ZBTB20: variants seen among roughly 807,000 people sequenced by gnomAD.
The protein encoded by ZBTB20 is zinc finger and BTB domain-containing protein 20.
Under a neutral mutation model 56.9 loss-of-function variants are expected in ZBTB20, and 9 were observed. The observed-to-expected ratio is 0.16, with a 90% CI of 0.10 to 0.28. ZBTB20 has a LOEUF of 0.28. Among genes scored for constraint, ZBTB20 ranks in the 10% least tolerant of loss-of-function variants. The probability of loss-of-function intolerance (pLI) is 1.00; values close to 1 mark genes in which losing one functional copy is unlikely to be tolerated. For synonymous variants in ZBTB20, 417 were observed against 420.7 expected (o/e 0.99, Z 0.11); for missense variants, 655 against 1,003.0 (o/e 0.65, Z 4.69).
intron 2 of ZBTB20, among the ~76,000 whole-genome samples, chr3:115,054,262 C>T (rs528374814): frequency 6.6e-6 from 1 of 152,240 alleles, no homozygotes; most frequent in African/African-American, 2.4e-5. Context: ...TTTCAACTTT[C>T]AACATAGGTT....
intron 6 of ZBTB20, among the ~76,000 whole-genome samples, chr3:114,554,871 C>T (rs143830897): frequency 3.9e-5 from 6 of 152,152 alleles, no homozygotes; most frequent in African/African-American, 9.6e-5. Flanking sequence ...AATCACTGCA[C>T]GTGTAAATTA....
chr3:114,972,038 A>AT (rs2077904253), intron 3 of ZBTB20, among the ~76,000 whole-genome samples: 1 of 152,238 alleles, frequency 6.6e-6, no homozygotes, highest in Non-Finnish European at 1.5e-5. Context: ...TGGGATTGGC[A>AT]TACACTGTGG....
At chr3:114,404,378 G>A (rs536133806) in intron 7 of ZBTB20, among the ~76,000 whole-genome samples, 1 of 152,060 alleles carries the variant, frequency 6.6e-6, no homozygotes, top group South Asian at 2.1e-4. Flanking sequence ...GAAGTCCCTG[G>A]TAAGCATAAA....
At chr3:114,888,264 A>AG (rs1420315913) in intron 4 of ZBTB20, among the ~76,000 whole-genome samples, 1 of 151,930 alleles carries the variant, frequency 6.6e-6, no homozygotes, top group East Asian at 1.9e-4. Flanking sequence ...ACAAAAAAAA[A>AG]ATTTAAACAT....
chr3:114,495,348 G>C (rs1351426798), intron 7 of ZBTB20, among the ~76,000 whole-genome samples: 2 of 152,140 alleles, frequency 1.3e-5, no homozygotes, highest in African/African-American at 4.8e-5. Flanking sequence ...AAATGGCTTA[G>C]TAGCTGGATG....
At chr3:114,716,564 C>T (rs1167262593) in intron 5 of ZBTB20, among the ~76,000 whole-genome samples, 1 of 152,082 alleles carries the variant, frequency 6.6e-6, no homozygotes, top group Non-Finnish European at 1.5e-5. Flanking sequence ...TCCCACTTCC[C>T]CTTTGCCATA....
At chr3:115,146,809 T>C (rs1395712476) in intron 1 of ZBTB20, among the ~76,000 whole-genome samples, 2 of 152,108 alleles carry the variant, frequency 1.3e-5, no homozygotes, top group African/African-American at 4.8e-5. Context: ...GCTCCTCTTC[T>C]TGGAAGCAGC....
At chr3:115,034,663 G>C (rs1672611534) in intron 2 of ZBTB20, among the ~76,000 whole-genome samples, 1 of 151,856 alleles carries the variant, frequency 6.6e-6, no homozygotes, top group Non-Finnish European at 1.5e-5. Context: ...CCCAAAGTAA[G>C]ATATAATGTA....
At chr3:114,476,073 AG>A (rs1410104568) in intron 7 of ZBTB20, among the ~76,000 whole-genome samples, 3 of 152,304 alleles carry the variant, frequency 2.0e-5, no homozygotes, top group African/African-American at 7.2e-5. Flanking sequence ...ATCCTAAAAA[AG>A]GTGGGATTAT....
chr3:114,319,417 G>A lies in ZBTB20; in HGVS notation c.*19588C>T, dbSNP rs544536245. The A allele has an allele frequency of 6.6e-5, 10 of 152,102 alleles. No homozygotes were observed. In the East Asian group the frequency reaches 1.9e-3, roughly 29 times the overall value. The allele number at this position is 152,102 out of a possible 1,614,324, so 9.4% of individuals were successfully genotyped here. On this transcript the variant is annotated 3_prime_UTR_variant, in exon 12 of 12. Coordinates refer to ENST00000675478, the MANE Select transcript of ZBTB20 (RefSeq NM_001348800.3). ...AAGATGCAAAACATTTACTGTATTA[G>A]GATTGTGAAGTTACAGCCACTCCCA...
chr3:115,072,326 T>C (rs771045073), intron 1 of ZBTB20, among the ~76,000 whole-genome samples: 9 of 152,164 alleles, frequency 5.9e-5, no homozygotes, highest in Non-Finnish European at 8.8e-5. Flanking sequence ...GAATAATAAA[T>C]ATGCTTGTTA....
At chr3:114,563,512 A>G (rs1225851691) in intron 6 of ZBTB20, among the ~76,000 whole-genome samples, 1 of 152,204 alleles carries the variant, frequency 6.6e-6, no homozygotes, top group Non-Finnish European at 1.5e-5. Context: ...GTAGCTTAAA[A>G]ATGGTCAATT....
At chr3:114,959,724 C>CAT (rs1481922783) in intron 3 of ZBTB20, among the ~76,000 whole-genome samples, 1 of 147,846 alleles carries the variant, frequency 6.8e-6, no homozygotes, top group Non-Finnish European at 1.5e-5. Flanking sequence ...TATACATACA[C>CAT]ACACACACAC....
At chr3:114,383,623 C>T (rs1272453779) in intron 8 of ZBTB20, 2 of 152,186 alleles carry the variant, frequency 1.3e-5, no homozygotes, top group African/African-American at 2.4e-5. Context: ...TACCCTTATA[C>T]CACTGGGCTG....
chr3:114,816,506 A>G (rs1579001651), intron 4 of ZBTB20, among the ~76,000 whole-genome samples: 1 of 152,206 alleles, frequency 6.6e-6, no homozygotes, highest in East Asian at 1.9e-4. Context: ...TGCAGACATT[A>G]AAAATTTAGG....
At chr3:114,501,415 C>T (rs1210340251) in intron 6 of ZBTB20, among the ~76,000 whole-genome samples, 2 of 151,950 alleles carry the variant, frequency 1.3e-5, no homozygotes, top group Non-Finnish European at 2.9e-5. Context: ...CACTTGAGGT[C>T]AGGAGTTCGA....
intron 7 of ZBTB20, among the ~76,000 whole-genome samples, chr3:114,393,552 G>A (rs186249592): frequency 9.3e-4 from 141 of 152,220 alleles, no homozygotes; most frequent in Non-Finnish European, 1.5e-3. Flanking sequence ...ACACCTGAGC[G>A]TCTATTAATC....
intron 6 of ZBTB20, among the ~76,000 whole-genome samples, chr3:114,513,886 A>G (rs1033296657): frequency 6.6e-6 from 1 of 151,958 alleles, no homozygotes; most frequent in African/African-American, 2.4e-5. Context: ...AACAAAAAAA[A>G]GCATTTAGGA....
At chr3:114,847,151 C>A (rs1047984872) in intron 4 of ZBTB20, among the ~76,000 whole-genome samples, 1 of 152,076 alleles carries the variant, frequency 6.6e-6, no homozygotes, top group African/African-American at 2.4e-5. Flanking sequence ...ATAAAGGAAT[C>A]GGACTAATTT....
Sources: gnomAD v4.1 joint callset for allele counts (sites outside exome capture counted in the v4.1 genomes callset) on GRCh38, gnomAD v4.1.1 for gene constraint, MANE v1.5 for transcripts, NCBI Gene and HGNC (gene_info 2026-07-23, HGNC 2026-07-21) for gene names.